Variants in NOMO1 observed in about 807,000 individuals in gnomAD.
NOMO1 encodes nodal modulator 3.
Under a neutral mutation model 133.8 loss-of-function variants are expected in NOMO1, and 40 were observed. The ratio of observed to expected loss-of-function variants is 0.30; its 90% CI spans 0.23 to 0.39. The LOEUF is 0.39. Among genes scored for constraint, NOMO1 ranks in the 10% least tolerant of loss-of-function variants. The pLI, the probability that NOMO1 is intolerant of heterozygous loss-of-function variation, is 1.00. For missense variants in NOMO1, 462 were observed against 1,419.9 expected, an observed-to-expected ratio of 0.33 and a Z score of 10.84; for synonymous variants, 236 against 570.5, an observed-to-expected ratio of 0.41 and a Z score of 8.36.
At chr16:14,836,694 C>CTGATTTTTT (rs1441454921) in intron 1 of NOMO1, among the ~76,000 whole-genome samples, 28 of 131,216 alleles carry the variant, frequency 2.1e-4, no homozygotes, top group African/African-American at 7.7e-4. Flanking sequence ...TTCCATTTTA[C>CTGATTTTTT]TTTTTTTTTT....
intron 18 of NOMO1, among the ~76,000 whole-genome samples, chr16:14,874,795 G>A (rs537742710): frequency 2.6e-5 from 4 of 151,962 alleles, no homozygotes; most frequent in African/African-American, 4.8e-5. Flanking sequence ...ATATCCAGTC[G>A]CCATAAAATC....
chr16:14,846,248 A>C (rs1320464670), intron 4 of NOMO1, among the ~76,000 whole-genome samples: 4 of 149,860 alleles, frequency 2.7e-5, no homozygotes, highest in Admixed American at 1.3e-4. Context: ...GCTGGTCTCA[A>C]ACTCCTGACC....
At chr16:14,884,855 A>T (rs532663465) in intron 27 of NOMO1, among the ~76,000 whole-genome samples, 1 of 152,232 alleles carries the variant, frequency 6.6e-6, no homozygotes, top group African/African-American at 2.4e-5. Context: ...TGGAGGTCGT[A>T]TTAAATGTTC....
rs768907111 is a variant in NOMO1, at chr16:14,866,680, G to A, written c.1795G>A (p.Ala599Thr). The A allele has an allele frequency of 6.2e-6, 10 of 1,610,008 alleles. 1 individual carries two copies. Among genetic ancestry groups the A allele is most frequent in the South Asian group, 3.3e-5 (3 of 90,932 alleles). ...GYMLRCSLSH[A>T]ITLEFYQDGN... is the part of the protein sequence containing the mutation. Reference sequence around the variant, plus strand: ...CATGCTGAGATGTTCCCTGTCTCACGCCATCACTCTGGTATGTACGGCTTA... The same window carrying A: ...CATGCTGAGATGTTCCCTGTCTCACACCATCACTCTGGTATGTACGGCTTA... The change falls in exon 15 of 31, where the codon GCC becomes ACC. Residue 599 changes from alanine to threonine, a missense_variant. By Grantham distance (58) the Ala-to-Thr change is moderately conservative. Transcript: ENST00000287667.
chr16:14,856,950 G>C (rs1425232236), intron 9 of NOMO1, among the ~76,000 whole-genome samples: 1 of 152,020 alleles, frequency 6.6e-6, no homozygotes, highest in Non-Finnish European at 1.5e-5. Flanking sequence ...CTAGAAGCTT[G>C]AGTCAGTGAC....
chr16:14,861,735 C>G (rs1694976076), intron 11 of NOMO1, among the ~76,000 whole-genome samples: 1 of 151,446 alleles, frequency 6.6e-6, no homozygotes, highest in African/African-American at 2.4e-5. Flanking sequence ...CTGAGATAGA[C>G]AATTTGTAAA....
chr16:14,889,283 G>C, intron 29 of NOMO1, 68 bp downstream of exon 29: 2 of 1,611,312 alleles, frequency 1.2e-6, no homozygotes, highest in Non-Finnish European at 1.7e-6. Flanking sequence ...TGTAATCCCA[G>C]CACTTTGGGA....
At chr16:14,838,550 A>G in intron 2 of NOMO1, 54 bp downstream of exon 2, 1 of 1,611,824 alleles carries the variant, frequency 6.2e-7, no homozygotes. Flanking sequence ...GTGCCTCACC[A>G]GGCTGCATTA....
At chr16:14,871,968 T>C (rs1187541214) in intron 17 of NOMO1, among the ~76,000 whole-genome samples, 3 of 152,008 alleles carry the variant, frequency 2.0e-5, no homozygotes, top group Non-Finnish European at 2.9e-5. Context: ...CCCTCACCGA[T>C]GGGCGTCTGT....
intron 1 of NOMO1, among the ~76,000 whole-genome samples, chr16:14,836,774 C>T (rs1422622257): frequency 2.0e-5 from 3 of 148,186 alleles, no homozygotes; most frequent in Non-Finnish European, 4.4e-5. Context: ...GGCACAATCT[C>T]GGCTCACTGC....
intron 1 of NOMO1, among the ~76,000 whole-genome samples, chr16:14,836,358 C>G (rs983076798): frequency 6.6e-6 from 1 of 152,060 alleles, no homozygotes; most frequent in African/African-American, 2.4e-5. Flanking sequence ...TTATTTCACA[C>G]GAGTCCTTTC....
In NOMO1 at chr16:14,894,195, G is replaced by A. The variant is rs1964446439; in HGVS notation, c.3445-803G>A. Among the ~76,000 whole-genome samples the A allele has an allele frequency of 1.3e-5, 2 of 151,948 alleles. 1 individual carries two copies. The highest frequency in any genetic ancestry group is 2.9e-5 in the Non-Finnish European group (2 of 67,986). ...GAGTGACCAGTGCAGAGATAGTCTG[G>A]TAGCTCCAAGGCGTCAGGGGACCCA... On this transcript the variant is annotated intron_variant, in intron 29 of 30. Coordinates refer to ENST00000287667, the MANE Select transcript of NOMO1 (RefSeq NM_014287.4).
At chr16:14,882,841 G>A (rs936099848) in intron 26 of NOMO1, among the ~76,000 whole-genome samples, 164 bp downstream of exon 26, 3 of 152,020 alleles carry the variant, frequency 2.0e-5, no homozygotes, top group Non-Finnish European at 4.4e-5. Context: ...AGCATCTTAT[G>A]TGGGTTTTTA....
In NOMO1 at chr16:14,846,686, G is replaced by C. The variant is rs1447032017; in HGVS notation, c.509+3G>C. 1 of 1,156,058 alleles carries C rather than the reference G, an allele frequency of 8.7e-7. No homozygotes were observed. Among genetic ancestry groups the C allele is most frequent in the Admixed American group, 2.2e-5 (1 of 45,180 alleles). 71.6% of individuals were successfully genotyped at this position (1,156,058 alleles called of 1,614,324 possible). A position where few individuals can be genotyped will look rare whatever the true frequency, so the allele number is the denominator to read the frequency against. On this transcript the variant is annotated splice_donor_region_variant and intron_variant, in intron 5 of 30. Coordinates refer to ENST00000287667, the MANE Select transcript of NOMO1 (RefSeq NM_014287.4). Reference sequence around the variant, plus strand: ...ACAGTTACACAGCCTGGCGGAAAGTGAGTAGCGTCCTGTCTCTTAGTGTTG... The same window carrying C: ...ACAGTTACACAGCCTGGCGGAAAGTCAGTAGCGTCCTGTCTCTTAGTGTTG...
chr16:14,854,423 C>T (rs1963804484), intron 9 of NOMO1, among the ~76,000 whole-genome samples: 1 of 108,960 alleles, frequency 9.2e-6, no homozygotes, highest in African/African-American at 3.4e-5. Context: ...CAGCCATTGC[C>T]TCCAGGGCTC....
At chr16:14,879,248 G>A (rs914109676) in intron 23 of NOMO1, among the ~76,000 whole-genome samples, 17 of 151,766 alleles carry the variant, frequency 1.1e-4, no homozygotes, top group Non-Finnish European at 1.8e-4. Context: ...TGCAGTCGGA[G>A]GCCCTGACTG....
At chr16:14,892,641 G>T (rs1964422454) in intron 29 of NOMO1, among the ~76,000 whole-genome samples, 1 of 151,022 alleles carries the variant, frequency 6.6e-6, no homozygotes, top group South Asian at 2.1e-4. Flanking sequence ...TATGCCTGCT[G>T]GGGCTTGGAT....
At chr16:14,845,735 G>A (rs1465353213) in intron 4 of NOMO1, among the ~76,000 whole-genome samples, 2 of 151,794 alleles carry the variant, frequency 1.3e-5, no homozygotes, top group Non-Finnish European at 2.9e-5. Flanking sequence ...CCAGCTGTAT[G>A]TGTGGGCTTC....
intron 26 of NOMO1, among the ~76,000 whole-genome samples, chr16:14,883,539 C>A (rs1340899067): frequency 7.3e-5 from 11 of 151,660 alleles, no homozygotes; most frequent in Admixed American, 5.9e-4. Flanking sequence ...ACCATGTTGG[C>A]CAGATTGGTC....
Sources: gnomAD v4.1 joint callset for allele counts (sites outside exome capture counted in the v4.1 genomes callset) on GRCh38, gnomAD v4.1.1 for gene constraint, MANE v1.5 for transcripts, NCBI Gene and HGNC (gene_info 2026-07-23, HGNC 2026-07-21) for gene names.